Variants in PRH1 observed in about 807,000 individuals in gnomAD.
PRH1 encodes salivary acidic proline-rich phosphoprotein 1/2.
A neutral mutation model predicts 7.9 loss-of-function variants in PRH1; 7 were observed. That is an observed-to-expected ratio of 0.89 (90% CI 0.50 to 1.67). The LOEUF is 1.67. Among genes scored for constraint, PRH1 ranks in the 40% most tolerant of loss-of-function variants. The probability of loss-of-function intolerance (pLI) is 0.00; values close to 1 mark genes in which losing one functional copy is unlikely to be tolerated. For missense variants in PRH1, 109 were observed against 223.6 expected (o/e 0.49, Z 3.27); for synonymous variants, 45 against 80.8 (o/e 0.56, Z 2.38).
chr12:11,157,437 T>C (rs757411456), intron 1 of PRH1, among the ~76,000 whole-genome samples: 13 of 152,256 alleles, frequency 8.5e-5, no homozygotes, highest in Admixed American at 4.6e-4. Context: ...GAGTATGATA[T>C]TGAAGATGTG....
At chr12:11,151,700 A>G (rs1347824139) in intron 1 of PRH1, among the ~76,000 whole-genome samples, 1 of 152,206 alleles carries the variant, frequency 6.6e-6, no homozygotes, top group East Asian at 1.9e-4. Flanking sequence ...AGCATTTGTT[A>G]CAAGATTGCC....
At position 10,910,075 on chromosome 12, in the gene PRH1, T is replaced by C. The variant is rs112915208; in HGVS notation, c.-58-25800A>G. Among the ~76,000 whole-genome samples the C allele has an allele frequency of 1.5e-4, 23 of 152,230 alleles. 1 individual carries two copies. The highest frequency in any genetic ancestry group is 4.8e-4 in the African/African-American group (20 of 41,544). On this transcript the variant is annotated intron_variant, in intron 2 of 3. Coordinates refer to the PRH1 transcript ENST00000539853. ...CAGCAACAGCTACCAAAGAAAGCAG[T>C]ACTATATTACATCATAACTTGCAAA... is the stretch of plus-strand genomic sequence containing the variant.
intron 2 of PRH1, among the ~76,000 whole-genome samples, chr12:10,968,052 G>C (rs1378531580): frequency 6.6e-6 from 1 of 152,194 alleles, no homozygotes; most frequent in Non-Finnish European, 1.5e-5. Flanking sequence ...CTGCACTCCA[G>C]CCTGGGCTAG....
At chr12:11,039,612 A>C (rs79073027) in intron 1 of PRH1, among the ~76,000 whole-genome samples, 3 of 152,118 alleles carry the variant, frequency 2.0e-5, no homozygotes, top group East Asian at 1.9e-4. Flanking sequence ...TTACCTGGTA[A>C]AGGGAGCTTG....
chr12:10,995,280 C>A (rs1033214212), intron 1 of PRH1, among the ~76,000 whole-genome samples: 1 of 152,108 alleles, frequency 6.6e-6, no homozygotes, highest in Non-Finnish European at 1.5e-5. Context: ...TAAGCAAGAT[C>A]TATATGATCT....
At chr12:11,060,098 T>C (rs1943521987) in intron 1 of PRH1, among the ~76,000 whole-genome samples, 1 of 152,092 alleles carries the variant, frequency 6.6e-6, no homozygotes, top group Non-Finnish European at 1.5e-5. Context: ...GTGGGGATGA[T>C]TTATCTTAAG....
upstream of PRH1, among the ~76,000 whole-genome samples, chr12:11,050,277 C>T (rs540568609): frequency 1.5e-4 from 23 of 152,284 alleles, no homozygotes; most frequent in South Asian, 4.6e-3. Context: ...TATAGATTAA[C>T]TGAAAGTATT....
intron 1 of PRH1, among the ~76,000 whole-genome samples, chr12:11,163,619 A>G (rs1947481640): frequency 6.6e-6 from 1 of 152,236 alleles, no homozygotes; most frequent in South Asian, 2.1e-4. Context: ...GCATGAGAAA[A>G]AAAGAAGTAA....
chr12:10,916,335 T>C (rs1401817364), intron 2 of PRH1, among the ~76,000 whole-genome samples: 1 of 152,018 alleles, frequency 6.6e-6, no homozygotes, highest in African/African-American at 2.4e-5. Context: ...AAAAACCATA[T>C]CAAACCCTGT....
intron 1 of PRH1, among the ~76,000 whole-genome samples, chr12:11,108,960 T>C (rs1171154387): frequency 6.6e-6 from 1 of 152,184 alleles, no homozygotes; most frequent in African/African-American, 2.4e-5. Context: ...GAAGTCAACC[T>C]GGGATGCTTG....
chr12:10,942,515 A>G lies in PRH1; in HGVS notation c.-59+31140T>C, dbSNP rs529806503. 2.6e-5 allele frequency among the ~76,000 whole-genome samples: 4 copies of G among 152,166 alleles called. No individual in the cohort carries two copies. In the South Asian group the frequency reaches 8.3e-4, roughly 32 times the overall value. ...GAGAACGCTGGCAGTCACAGGCCTG[A>G]CCCAGCTCCCATGCAATCCAAAGGG... is the stretch of plus-strand genomic sequence containing the variant. On this transcript the variant is annotated intron_variant, in intron 2 of 3. Coordinates refer to the PRH1 transcript ENST00000539853.
chr12:10,904,082 A>C (rs1383414088), intron 2 of PRH1, among the ~76,000 whole-genome samples: 1 of 151,952 alleles, frequency 6.6e-6, no homozygotes, highest in Admixed American at 6.6e-5. Flanking sequence ...AATATTGTTA[A>C]AATGGTTGTA....
chr12:11,146,396 T>C (rs1946861822), intron 1 of PRH1, among the ~76,000 whole-genome samples: 1 of 152,170 alleles, frequency 6.6e-6, no homozygotes, highest in African/African-American at 2.4e-5. Flanking sequence ...AGAATTGATG[T>C]CATCACAACA....
intron 2 of PRH1, among the ~76,000 whole-genome samples, chr12:10,957,756 A>T (rs1938045551): frequency 6.6e-6 from 1 of 152,178 alleles, no homozygotes; most frequent in Non-Finnish European, 1.5e-5. Context: ...TTGATAAAGG[A>T]CATGAACAAT....
chr12:10,980,940 T>A (rs949289048), intron 1 of PRH1, among the ~76,000 whole-genome samples: 1 of 152,334 alleles, frequency 6.6e-6, no homozygotes, highest in South Asian at 2.1e-4. Flanking sequence ...AACAGCCTTA[T>A]TGAAATGGGT....
upstream of PRH1, among the ~76,000 whole-genome samples, chr12:10,884,607 G>C (rs771379570): frequency 6.6e-6 from 1 of 152,194 alleles, no homozygotes; most frequent in Non-Finnish European, 1.5e-5. Flanking sequence ...CTGTGTATGT[G>C]AGTTTGTGTG....
At chr12:11,000,222 C>T (rs564341086) in intron 1 of PRH1, among the ~76,000 whole-genome samples, 25 of 152,132 alleles carry the variant, frequency 1.6e-4, no homozygotes, top group South Asian at 6.2e-4. Flanking sequence ...CTCAGCAAGA[C>T]GCTATTATTT....
chr12:11,168,265 AAAG>A lies in PRH1; in HGVS notation n.39+3154_39+3156del, dbSNP rs1565725339. Among the ~76,000 whole-genome samples the A allele has an allele frequency of 1.9e-3, 94 of 49,366 alleles. 25 individuals are homozygous for A. The highest frequency in any genetic ancestry group is 0.015 in the East Asian group (39 of 2,618). The allele number at this position is 49,366 out of a possible 152,430, so 32.4% of individuals were successfully genotyped here. A position where few individuals can be genotyped will look rare whatever the true frequency, so the allele number is the denominator to read the frequency against. On this transcript the variant is annotated intron_variant and non_coding_transcript_variant, in intron 1 of 1. Coordinates refer to the PRH1 transcript ENST00000541175. Reference sequence around the variant, plus strand: ...GAAAGAAAGAAAGAAAGAAAGAAAGAAAGAAAGAAAGAAAGAAAGAAAGAAAGA... The same window carrying A: ...GAAAGAAAGAAAGAAAGAAAGAAAGAAAAGAAAGAAAGAAAGAAAGAAAGA...
rs190951061 is a variant in PRH1 at position 11,102,708 on chromosome 12, A to C, written n.124-55520T>G. Among the ~76,000 whole-genome samples, 47 of 152,342 alleles carry C rather than the reference A, an allele frequency of 3.1e-4. No homozygotes were observed. In the East Asian group the frequency reaches 4.2e-3, roughly 14 times the overall value. On this transcript the variant is annotated intron_variant and non_coding_transcript_variant, in intron 1 of 4. Transcript: ENST00000541977. ...TTGACAAATGGGATCTAATTAAAAT[A>C]AAGAGCTTCTGCACAGCAAAAGAAA...
Sources: allele counts gnomAD v4.1 joint callset (sites outside exome capture counted in the v4.1 genomes callset), GRCh38; gene constraint gnomAD v4.1.1; transcripts MANE v1.5; gene names NCBI Gene and HGNC (gene_info 2026-07-23, HGNC 2026-07-21).